Variants in RANBP2 observed in about 807,000 individuals in gnomAD.
RANBP2 encodes the protein RAN binding protein 2.
In RANBP2, 57 loss-of-function variants were observed where a neutral mutation model predicts 303.6. That is an observed-to-expected ratio of 0.19 (90% CI 0.15 to 0.23). RANBP2 has a LOEUF of 0.23. RANBP2 is among the 10% of genes least tolerant of loss of function. RANBP2 has a pLI of 1.00. For synonymous variants in RANBP2, 1,167 were observed against 1,301.5 expected (o/e 0.90, Z 2.23); for missense variants, 3,138 against 3,780.8 (o/e 0.83, Z 4.46).
chr2:109,133,295 A>G, the RANBP2 span, among the ~76,000 whole-genome samples: 1 of 152,274 alleles, frequency 6.6e-6, no homozygotes, highest in Admixed American at 6.5e-5. Flanking sequence ...ATCTTGAGGT[A>G]CAGTGGTATA....
chr2:109,060,657 C>T, the RANBP2 span, among the ~76,000 whole-genome samples: 1 of 152,192 alleles, frequency 6.6e-6, no homozygotes, highest in Non-Finnish European at 1.5e-5. Flanking sequence ...ATGGCTCTCC[C>T]GAGGCAGCTT....
chr2:109,292,380 G>A, the RANBP2 span, among the ~76,000 whole-genome samples: 7 of 152,068 alleles, frequency 4.6e-5, no homozygotes, highest in African/African-American at 1.4e-4. Flanking sequence ...ATGAAGTTTT[G>A]TATCCTGGTC....
chr2:109,524,469 A>AAAAAAAAAAAAAAAAAAAAAAAC, the RANBP2 span, among the ~76,000 whole-genome samples: 6 of 80,880 alleles, frequency 7.4e-5, no homozygotes, highest in East Asian at 1.7e-3. Flanking sequence ...AAAAAAAACA[A>AAAAAAAAAAAAAAAAAAAAAAAC]AACAACACTG....
chr2:109,386,716 C>T, the RANBP2 span, among the ~76,000 whole-genome samples: 4 of 152,190 alleles, frequency 2.6e-5, no homozygotes, highest in Non-Finnish European at 5.9e-5. Context: ...GTGTCCCCCT[C>T]AGCTGGTGGC....
chr2:109,351,570 C>T, the RANBP2 span, among the ~76,000 whole-genome samples: 1 of 152,264 alleles, frequency 6.6e-6, no homozygotes, highest in Non-Finnish European at 1.5e-5. Context: ...GGTCGCCTTG[C>T]CAGGCAGCTG....
the RANBP2 span, among the ~76,000 whole-genome samples, chr2:109,395,148 C>T: frequency 2.0e-5 from 3 of 152,366 alleles, no homozygotes; most frequent in East Asian, 3.9e-4. Flanking sequence ...GCCTGGGACT[C>T]CGCAGGCAGG....
At chr2:108,812,195 G>A in the RANBP2 span, among the ~76,000 whole-genome samples, 1 of 151,908 alleles carries the variant, frequency 6.6e-6, no homozygotes, top group South Asian at 2.1e-4. Context: ...CCATATATAG[G>A]AAGTCAGTTC....
chr2:109,298,977 C>T, the RANBP2 span, among the ~76,000 whole-genome samples: 1 of 152,216 alleles, frequency 6.6e-6, no homozygotes, highest in Admixed American at 6.5e-5. Flanking sequence ...ACACGGCCCA[C>T]GCCGGCCTGC....
At chr2:108,987,968 C>G in the RANBP2 span, among the ~76,000 whole-genome samples, 23 of 152,332 alleles carry the variant, frequency 1.5e-4, no homozygotes, top group Non-Finnish European at 2.5e-4. Flanking sequence ...TGGCTCTTCA[C>G]TTCTTTGTTA....
At chr2:109,185,981 C>T in the RANBP2 span, among the ~76,000 whole-genome samples, 1 of 152,206 alleles carries the variant, frequency 6.6e-6, no homozygotes, top group Non-Finnish European at 1.5e-5. Context: ...CCTTGGCTGT[C>T]ACGAGCACAT....
At chr2:108,955,910 TC>T in the RANBP2 span, among the ~76,000 whole-genome samples, 2 of 150,334 alleles carry the variant, frequency 1.3e-5, no homozygotes, top group Non-Finnish European at 3.0e-5. Flanking sequence ...GCGCCTGTAG[TC>T]CCAGCTACTC....
chr2:109,561,854 A>G, the RANBP2 span, among the ~76,000 whole-genome samples: 1 of 152,102 alleles, frequency 6.6e-6, no homozygotes, highest in African/African-American at 2.4e-5. Flanking sequence ...TTTAATTTCA[A>G]ATTACATATC....
intron 15 of RANBP2, 127 bp downstream of exon 15, chr2:108,754,098 A>G (rs1573778311): frequency 2.5e-6 from 4 of 1,599,552 alleles, no homozygotes; most frequent in Non-Finnish European, 3.4e-6. Flanking sequence ...CACAGAAGGG[A>G]TATGTGTGTC....
the RANBP2 span, among the ~76,000 whole-genome samples, chr2:109,458,255 C>T: frequency 6.6e-6 from 1 of 152,088 alleles, no homozygotes; most frequent in East Asian, 1.9e-4. Flanking sequence ...GAATGAAACT[C>T]ATTAATCTTT....
intron 24 of RANBP2, among the ~76,000 whole-genome samples, chr2:108,776,869 ATAGC>A (rs1259058021): frequency 6.6e-6 from 1 of 152,176 alleles, no homozygotes; most frequent in Non-Finnish European, 1.5e-5. Context: ...CTTAATATAG[ATAGC>A]TCTCCTTCTC....
At chr2:109,596,547 G>A in the RANBP2 span, among the ~76,000 whole-genome samples, 1 of 151,914 alleles carries the variant, frequency 6.6e-6, no homozygotes, top group Non-Finnish European at 1.5e-5. Flanking sequence ...AACCCAGGAG[G>A]CAGAGCTTGC....
the RANBP2 span, among the ~76,000 whole-genome samples, chr2:109,577,587 A>C: frequency 6.9e-6 from 1 of 144,460 alleles, no homozygotes; most frequent in Non-Finnish European, 1.5e-5. Flanking sequence ...GTGAGACTCC[A>C]CCTCAAAATT....
the RANBP2 span, among the ~76,000 whole-genome samples, chr2:109,365,084 C>T: frequency 7.3e-4 from 100 of 136,364 alleles, no homozygotes; most frequent in Non-Finnish European, 1.3e-3. Context: ...ACAAAACATC[C>T]CAATGGGTGA....
At chr2:109,088,631 C>T in the RANBP2 span, among the ~76,000 whole-genome samples, 10 of 151,976 alleles carry the variant, frequency 6.6e-5, no homozygotes, top group Non-Finnish European at 1.0e-4. Flanking sequence ...CACGCCTCAG[C>T]CTCCCAAGTA....
Sources: allele counts gnomAD v4.1 joint callset (sites outside exome capture counted in the v4.1 genomes callset), GRCh38; gene constraint gnomAD v4.1.1; transcripts MANE v1.5; gene names NCBI Gene and HGNC (gene_info 2026-07-23, HGNC 2026-07-21).